Variants in INPP5D observed in about 807,000 individuals in gnomAD.
INPP5D encodes the protein phosphatidylinositol 3,4,5-trisphosphate 5-phosphatase 1.
In INPP5D, 33 loss-of-function variants were observed where a neutral mutation model predicts 122.9. That is an observed-to-expected ratio of 0.27 (90% confidence interval 0.20 to 0.36). The LOEUF (loss-of-function observed/expected upper bound fraction) is 0.36. Among genes scored for constraint, INPP5D ranks in the 10% least tolerant of loss-of-function variants. The pLI is 1.00. For missense variants in INPP5D, 1,053 were observed against 1,412.7 expected (o/e 0.75, Z 4.08); for synonymous variants, 584 against 576.2 (o/e 1.01, Z -0.19).
At chr2:233,116,573 C>A (rs145270249) in intron 2 of INPP5D, among the ~76,000 whole-genome samples, 11,288 of 151,040 alleles carry the variant, frequency 0.075, 1,167 homozygotes, top group African/African-American at 0.24. Context: ...CAGGCGTGTG[C>A]CACCATGTCT....
At chr2:233,201,863 C>T (rs1187848547) in intron 25 of INPP5D, among the ~76,000 whole-genome samples, 1 of 152,104 alleles carries the variant, frequency 6.6e-6, no homozygotes, top group Non-Finnish European at 1.5e-5. Context: ...TCAACTCGTC[C>T]CCTAGATATC....
At chr2:233,174,492 G>A (rs1172412315) in intron 17 of INPP5D, among the ~76,000 whole-genome samples, 1 of 152,212 alleles carries the variant, frequency 6.6e-6, no homozygotes, top group Non-Finnish European at 1.5e-5. Context: ...GAACTGCAAT[G>A]TTAAGAAGTA....
intron 21 of INPP5D, 140 bp downstream of exon 21, chr2:233,186,065 T>G: frequency 4.0e-6 from 5 of 1,252,506 alleles, no homozygotes; most frequent in Non-Finnish European, 5.2e-6. Flanking sequence ...AGACCCACTC[T>G]AGGAGCAAGC....
chr2:233,083,797 A>G (rs1691754999), intron 2 of INPP5D, among the ~76,000 whole-genome samples: 2 of 152,212 alleles, frequency 1.3e-5, no homozygotes, highest in East Asian at 1.9e-4. Context: ...GACGTGTCGC[A>G]TAAATGGCTG....
intron 5 of INPP5D, among the ~76,000 whole-genome samples, chr2:233,135,736 G>A (rs970474511): frequency 6.6e-6 from 1 of 151,892 alleles, no homozygotes; most frequent in Non-Finnish European, 1.5e-5. Flanking sequence ...GCTAAGCCTA[G>A]CTCATTCAAG....
Position 233,195,422 on chromosome 2 carries a change from G to A in INPP5D, c.2620G>A (p.Glu874Lys). The change falls in exon 24 of 27, where the codon GAA (glutamate) becomes AAA (lysine). Residue 874 changes from glutamate (E) to lysine (K), a missense_variant. By Grantham distance (56) the Glu-to-Lys change is moderately conservative. Transcript: ENST00000445964. Reference protein sequence around the residue: ...LYDFVKTERDESSGPKTLKSL... With the variant: ...LYDFVKTERDKSSGPKTLKSL... ...AGACTTTGTGAAGACGGAGCGTGAT[G>A]AATCCAGTGGGCCAAAGACCCTGAA... 6.2e-7 allele frequency: 1 copy of A among 1,610,000 alleles called. No homozygotes were observed. The highest frequency in any genetic ancestry group is 8.5e-7 in the Non-Finnish European group (1 of 1,177,308).
At chr2:233,096,462 G>T (rs1461063813) in intron 2 of INPP5D, among the ~76,000 whole-genome samples, 1 of 152,054 alleles carries the variant, frequency 6.6e-6, no homozygotes, top group Non-Finnish European at 1.5e-5. Context: ...GACCAGCCTG[G>T]CCAACATGGT....
At chr2:233,117,028 G>A (rs1194497372) in intron 2 of INPP5D, among the ~76,000 whole-genome samples, 5 of 152,222 alleles carry the variant, frequency 3.3e-5, no homozygotes, top group Non-Finnish European at 5.9e-5. Flanking sequence ...AGGGAAAAGG[G>A]AGAGTTGCCA....
chr2:233,125,758 G>A lies in INPP5D; in HGVS notation c.363G>A (p.Val121=), dbSNP rs779197283. ...TGTTCTCTCCAGTAGAAAGTGTCGT[G>A]TCTCCACCCGAGCTGCCCCCAAGAA... ...DPEEDTVESV[V]SPPELPPRNI... Residue 121 remains valine (V), a synonymous_variant, in exon 4 of 27, where the codon GTG becomes GTA. Transcript: ENST00000445964. 27 of 1,613,246 alleles carry A rather than the reference G, an allele frequency of 1.7e-5. No individual in the cohort carries two copies. The highest frequency in any genetic ancestry group is 2.3e-5 in the Non-Finnish European group (27 of 1,179,528).
At chr2:233,204,825 C>A (rs1047947320) in intron 26 of INPP5D, 108 bp downstream of exon 26, 3 of 1,399,380 alleles carry the variant, frequency 2.1e-6, no homozygotes, top group Non-Finnish European at 2.8e-6. Flanking sequence ...TGCACGCATG[C>A]ATATGTGCGT....
chr2:233,146,431 C>A lies in INPP5D; in HGVS notation c.899C>A (p.Thr300Asn). The A allele has an allele frequency of 2.8e-6, 2 of 704,238 alleles. No homozygotes were observed. The highest frequency in any genetic ancestry group is 1.5e-5 in the South Asian group (1 of 67,594). The allele number at this position is 704,238 out of a possible 1,614,324, so 43.6% of individuals were successfully genotyped here. The change falls in exon 8 of 27, where the codon ACC (threonine) becomes AAC (asparagine). Residue 300 changes from threonine to asparagine, a missense_variant. By Grantham distance (65) the Thr-to-Asn change is moderately conservative. Around this residue, in one of 6 missense-constraint regions of INPP5D, gnomAD observed 196 missense variants for 175.6 expected, o/e 1.12. Coordinates refer to ENST00000445964, the MANE Select transcript of INPP5D (RefSeq NM_001017915.3). ...CGGCCCTCCCTTATCCCTCCAGTCACCTTTGAGGTAAGTGGCCATGGGACA... is the reference window on the plus strand; with the variant it reads ...CGGCCCTCCCTTATCCCTCCAGTCAACTTTGAGGTAAGTGGCCATGGGACA... ...PHRPSLIPPV[T>N]FEVKAESLGI...
rs551523898 is a variant in INPP5D at position 233,155,505 on chromosome 2, C to T, written c.1031-2808C>T. Among the ~76,000 whole-genome samples, 37 of 152,120 alleles carry T rather than the reference C, an allele frequency of 2.4e-4. No individual in the cohort carries two copies. The South Asian group carries it at 7.1e-3, about 29-fold the overall frequency. Reference sequence around the variant, plus strand: ...GGCATGGTGGTGCACGCCTGTGATCCCAGCTACTCGGGAGGCTGAGGCAGG... The same window carrying T: ...GGCATGGTGGTGCACGCCTGTGATCTCAGCTACTCGGGAGGCTGAGGCAGG... On this transcript the variant is annotated intron_variant, in intron 9 of 26. Coordinates refer to ENST00000445964, the MANE Select transcript of INPP5D (RefSeq NM_001017915.3).
Position 233,100,399 on chromosome 2 carries a change from G to A in INPP5D, c.198+21001G>A, listed in dbSNP as rs61581043. On this transcript the variant is annotated intron_variant, in intron 2 of 26. Coordinates refer to ENST00000445964, the MANE Select transcript of INPP5D (RefSeq NM_001017915.3). The surrounding 1 kb of genome is among the most constrained non-coding windows in gnomAD (Gnocchi z 5.3). Reference sequence around the variant, plus strand: ...GGTTCCCAGGCCCAGCACCTGCTTTGCCTCTCCTCACAGATCATGCTGTTA... The same window carrying A: ...GGTTCCCAGGCCCAGCACCTGCTTTACCTCTCCTCACAGATCATGCTGTTA... Among the ~76,000 whole-genome samples the A allele has an allele frequency of 0.015, 2,282 of 152,254 alleles. 25 individuals are homozygous for A. Among genetic ancestry groups the A allele is most frequent in the African/African-American group, 0.033 (1,368 of 41,534 alleles).
intron 2 of INPP5D, among the ~76,000 whole-genome samples, chr2:233,107,550 C>A (rs1692500507): frequency 6.6e-6 from 1 of 152,176 alleles, no homozygotes. Context: ...GGGGCAAAGC[C>A]CATGCCAGGT....
At chr2:233,173,513 C>T (rs888431313) in intron 17 of INPP5D, among the ~76,000 whole-genome samples, 4 of 151,918 alleles carry the variant, frequency 2.6e-5, no homozygotes, top group Non-Finnish European at 5.9e-5. Flanking sequence ...TAAAATGTAG[C>T]TTAAAATACA....
At chr2:233,061,612 TG>T (rs1691077198) in intron 1 of INPP5D, among the ~76,000 whole-genome samples, 1 of 152,220 alleles carries the variant, frequency 6.6e-6, no homozygotes, top group Non-Finnish European at 1.5e-5. Flanking sequence ...AGACCTGTTT[TG>T]AATACTGACT....
chr2:233,164,232 G>A lies in INPP5D; in HGVS notation c.1438-75G>A, dbSNP rs1694268021. The A allele has an allele frequency of 6.7e-7, 1 of 1,482,702 alleles. No homozygotes were observed. Among genetic ancestry groups the A allele is most frequent in the Non-Finnish European group, 9.0e-7 (1 of 1,111,198 alleles). The allele number at this position is 1,482,702 out of a possible 1,614,324, so 91.8% of individuals were successfully genotyped here. On this transcript the variant is annotated intron_variant, in intron 12 of 26. Coordinates refer to ENST00000445964, the MANE Select transcript of INPP5D (RefSeq NM_001017915.3). The surrounding 1 kb of genome is among the most constrained non-coding windows in gnomAD (Gnocchi z 4.3). ...CCCATACCCAGGGGCTGCGGCTGGGGCTGGGTGTGAATCACTGTGCCCTGG... is the reference window on the plus strand; with the variant it reads ...CCCATACCCAGGGGCTGCGGCTGGGACTGGGTGTGAATCACTGTGCCCTGG...
At chr2:233,144,007 A>T (rs1361529917) in intron 6 of INPP5D, among the ~76,000 whole-genome samples, 2 of 138,796 alleles carry the variant, frequency 1.4e-5, no homozygotes, top group African/African-American at 2.9e-5. Context: ...GGTGGTCATG[A>T]TTATGGTGAG....
intron 26 of INPP5D, 119 bp downstream of exon 26, chr2:233,204,836 G>T (rs1489105644): frequency 5.1e-6 from 7 of 1,376,886 alleles, no homozygotes; most frequent in Non-Finnish European, 6.7e-6. Flanking sequence ...ATATGTGCGT[G>T]CATGTGTGAA....
Sources: gnomAD v4.1 joint callset for allele counts (sites outside exome capture counted in the v4.1 genomes callset) on GRCh38, gnomAD v4.1.1 for gene constraint, gnomAD v4.1.1 regional missense constraint, Gnocchi (gnomAD v3.1) non-coding constraint, MANE v1.5 for transcripts, NCBI Gene and HGNC (gene_info 2026-07-23, HGNC 2026-07-21) for gene names.